Variants in DPP10 observed in about 807,000 individuals in gnomAD.
DPP10 encodes inactive dipeptidyl peptidase 10.
Under a neutral mutation model 120.9 loss-of-function variants are expected in DPP10, and 33 were observed. That is an observed-to-expected ratio of 0.27 (90% CI 0.21 to 0.37). The LOEUF (loss-of-function observed/expected upper bound fraction) is 0.37. DPP10 is among the 10% of genes least tolerant of loss of function. DPP10 has a pLI of 1.00. For synonymous variants in DPP10, 337 were observed against 326.1 expected, an observed-to-expected ratio of 1.03 and a Z score of -0.36; for missense variants, 816 against 942.8, an observed-to-expected ratio of 0.87 and a Z score of 1.76.
chr2:115,697,845 C>T (rs1009345269), intron 7 of DPP10, among the ~76,000 whole-genome samples: 11 of 152,004 alleles, frequency 7.2e-5, no homozygotes, highest in African/African-American at 2.2e-4. Flanking sequence ...ATTAGCCGGG[C>T]GTGGTGGCGG....
intron 4 of DPP10, among the ~76,000 whole-genome samples, chr2:115,517,459 G>A (rs75323655): frequency 0.011 from 1,686 of 152,104 alleles, 18 homozygotes; most frequent in Non-Finnish European, 0.018. Flanking sequence ...TTTGAAAGAG[G>A]CATCAGGTAG....
At chr2:114,581,924 G>A (rs1690559762) in intron 1 of DPP10, among the ~76,000 whole-genome samples, 1 of 152,030 alleles carries the variant, frequency 6.6e-6, no homozygotes, top group Non-Finnish European at 1.5e-5. Context: ...CACCAGAGAG[G>A]TACACTTATT....
chr2:115,200,642 C>T (rs892975262), intron 1 of DPP10, among the ~76,000 whole-genome samples: 14 of 152,148 alleles, frequency 9.2e-5, no homozygotes, highest in South Asian at 2.1e-4. Flanking sequence ...AATTCTCTGT[C>T]GATTTCTCTT....
chr2:115,144,011 A>C (rs2104856317), intron 1 of DPP10: 1 of 152,336 alleles, frequency 6.6e-6, no homozygotes, highest in South Asian at 2.1e-4. Context: ...GCTGAGACCT[A>C]TATCGGATAA....
intron 3 of DPP10, among the ~76,000 whole-genome samples, chr2:115,481,952 A>G (rs937476824): frequency 6.6e-6 from 1 of 152,138 alleles, no homozygotes; most frequent in African/African-American, 2.4e-5. Flanking sequence ...CATAGCAACT[A>G]TAACACAAGA....
In DPP10 at chr2:115,648,241, C is replaced by A. The variant is rs569924267; in HGVS notation, c.442-41446C>A. 1.1e-4 allele frequency among the ~76,000 whole-genome samples: 16 copies of A among 151,982 alleles called. No individual in the cohort carries two copies. The South Asian group carries it at 3.3e-3, about 32-fold the overall frequency. On this transcript the variant is annotated intron_variant, in intron 5 of 25. Transcript: ENST00000410059. ...TGAACTCATAGAAGCAGAGTAGAAT[C>A]GTAGTTACCAGGGTCTGTTTAGGGT... is the stretch of plus-strand genomic sequence containing the variant.
intron 1 of DPP10, among the ~76,000 whole-genome samples, chr2:114,445,407 G>T (rs1377983694): frequency 2.6e-5 from 4 of 152,138 alleles, no homozygotes; most frequent in Non-Finnish European, 4.4e-5. Flanking sequence ...TATAGTAAAT[G>T]CTGACTGTTT....
intron 1 of DPP10, among the ~76,000 whole-genome samples, chr2:114,524,526 G>C (rs1207533140): frequency 6.6e-6 from 1 of 152,208 alleles, no homozygotes; most frequent in African/African-American, 2.4e-5. Context: ...ATGCAGAACA[G>C]GTTGCTTGTT....
chr2:115,642,844 CATATAG>C (rs935481873), intron 5 of DPP10, among the ~76,000 whole-genome samples: 56 of 152,024 alleles, frequency 3.7e-4, no homozygotes, highest in Non-Finnish European at 5.7e-4. Flanking sequence ...GTAGTTTAAA[CATATAG>C]ATATATAGAG....
intron 21 of DPP10, among the ~76,000 whole-genome samples, chr2:115,832,891 T>G (rs1575935726): frequency 6.6e-6 from 1 of 152,132 alleles, no homozygotes; most frequent in Non-Finnish European, 1.5e-5. Context: ...TATACAATTA[T>G]GCAGTAATAA....
At chr2:115,506,567 C>T (rs2076952141) in intron 4 of DPP10, among the ~76,000 whole-genome samples, 1 of 151,870 alleles carries the variant, frequency 6.6e-6, no homozygotes, top group South Asian at 2.1e-4. Context: ...AAATAATGAT[C>T]CTTTAGTTTT....
chr2:115,537,195 C>T (rs932568911), intron 5 of DPP10, among the ~76,000 whole-genome samples: 2 of 151,964 alleles, frequency 1.3e-5, no homozygotes, highest in Non-Finnish European at 2.9e-5. Context: ...AGAATTGGTA[C>T]CTATATATAC....
intron 1 of DPP10, among the ~76,000 whole-genome samples, chr2:114,837,396 A>G (rs1170490341): frequency 6.6e-6 from 1 of 152,164 alleles, no homozygotes; most frequent in Admixed American, 6.5e-5. Flanking sequence ...ATGGCTATTC[A>G]GACGTCCTTC....
intron 1 of DPP10, among the ~76,000 whole-genome samples, chr2:114,927,596 T>G (rs1695731660): frequency 1.3e-5 from 2 of 152,150 alleles, no homozygotes; most frequent in Non-Finnish European, 2.9e-5. Context: ...TGCATCCATC[T>G]CTGTGAGCAG....
At chr2:115,155,068 T>A (rs531088342) in intron 1 of DPP10, among the ~76,000 whole-genome samples, 3,257 of 148,804 alleles carry the variant, frequency 0.022, 59 homozygotes, top group African/African-American at 0.054. Flanking sequence ...ATTTTATTTA[T>A]TTTTTTTTTT....
chr2:115,805,733 C>G (rs1311541666), intron 19 of DPP10, among the ~76,000 whole-genome samples: 4 of 152,004 alleles, frequency 2.6e-5, no homozygotes, highest in African/African-American at 4.8e-5. Context: ...CGTCACCACA[C>G]CTGGCTAATT....
At chr2:114,825,640 T>G (rs971191694) in intron 1 of DPP10, among the ~76,000 whole-genome samples, 1 of 152,222 alleles carries the variant, frequency 6.6e-6, no homozygotes, top group Non-Finnish European at 1.5e-5. Flanking sequence ...ATTGAAGCAT[T>G]CTATGAATTT....
intron 1 of DPP10, among the ~76,000 whole-genome samples, chr2:114,992,649 A>C (rs1700814986): frequency 6.6e-6 from 1 of 152,230 alleles, no homozygotes; most frequent in South Asian, 2.1e-4. Context: ...ACTCCTGAAA[A>C]TAAATAGCAG....
At chr2:115,478,306 A>G (rs2075218897) in intron 3 of DPP10, among the ~76,000 whole-genome samples, 1 of 152,234 alleles carries the variant, frequency 6.6e-6, no homozygotes, top group African/African-American at 2.4e-5. Context: ...CTCAGTGAGG[A>G]AAAGACAGTA....
Sources: gnomAD v4.1 joint callset for allele counts (sites outside exome capture counted in the v4.1 genomes callset) on GRCh38, gnomAD v4.1.1 for gene constraint, MANE v1.5 for transcripts, NCBI Gene and HGNC (gene_info 2026-07-23, HGNC 2026-07-21) for gene names.